Variants in AKR1C8 observed in about 807,000 individuals in gnomAD.
The protein encoded by AKR1C8 is aldo-keto reductase family 1 member C8.
chr10:5,176,778 TTGTC>T, the AKR1C8 span, among the ~76,000 whole-genome samples: 2 of 152,098 alleles, frequency 1.3e-5, no homozygotes, highest in African/African-American at 4.8e-5. Flanking sequence ...GGCTCTCTGT[TTGTC>T]TGTTATTGGT....
chr10:5,154,261 G>A, the AKR1C8 span: 3 of 461,592 alleles, frequency 6.5e-6, no homozygotes, highest in Admixed American at 7.2e-5. Flanking sequence ...CTTGGGATGG[G>A]CTAAAATTCC....
chr10:5,142,661 G>A, the AKR1C8 span, among the ~76,000 whole-genome samples: 4 of 152,244 alleles, frequency 2.6e-5, no homozygotes, highest in South Asian at 8.3e-4. Context: ...GAAGCGGTCA[G>A]AAGACACACA....
chr10:5,171,687 G>A, the AKR1C8 span, among the ~76,000 whole-genome samples: 4 of 152,066 alleles, frequency 2.6e-5, no homozygotes, highest in Admixed American at 6.6e-5. Context: ...GCAGGTTAGT[G>A]CTTTAAGAAA....
chr10:5,157,622 G>T, the AKR1C8 span: 1 of 469,836 alleles, frequency 2.1e-6, no homozygotes, highest in East Asian at 7.0e-5. Flanking sequence ...GAGCGACTCT[G>T]CTCAACCTTT....
the AKR1C8 span, among the ~76,000 whole-genome samples, chr10:5,179,670 G>GTTCCT: frequency 6.8e-6 from 1 of 146,730 alleles, no homozygotes; most frequent in African/African-American, 2.5e-5. Flanking sequence ...TGGAGGCTTT[G>GTTCCT]TTCTTTTTAT....
At chr10:5,141,545 G>T in the AKR1C8 span, among the ~76,000 whole-genome samples, 4,171 of 152,194 alleles carry the variant, frequency 0.027, 95 homozygotes, top group Non-Finnish European at 0.043. Flanking sequence ...GTAACTGATT[G>T]AAATGTATTT....
At chr10:5,129,882 GAT>G in the AKR1C8 span, among the ~76,000 whole-genome samples, 16 of 151,782 alleles carry the variant, frequency 1.1e-4, no homozygotes, top group Admixed American at 3.3e-4. Flanking sequence ...TATTCAAAAA[GAT>G]AGAGAGAGAC....
At chr10:5,165,523 C>T in the AKR1C8 span, among the ~76,000 whole-genome samples, 3 of 152,078 alleles carry the variant, frequency 2.0e-5, no homozygotes, top group Non-Finnish European at 4.4e-5. Context: ...CAGAAAAAGG[C>T]CACTTTCACC....
chr10:5,165,322 C>T, the AKR1C8 span, among the ~76,000 whole-genome samples: 2 of 152,144 alleles, frequency 1.3e-5, no homozygotes. Context: ...AAACCTCTAA[C>T]TTCTACCTGG....
At chr10:5,148,634 T>A in the AKR1C8 span, among the ~76,000 whole-genome samples, 1 of 152,114 alleles carries the variant, frequency 6.6e-6, no homozygotes, top group South Asian at 2.1e-4. Flanking sequence ...ATCTTACACG[T>A]GAAAACAAAG....
At chr10:5,137,685 C>T in the AKR1C8 span, among the ~76,000 whole-genome samples, 1 of 152,032 alleles carries the variant, frequency 6.6e-6, no homozygotes, top group Non-Finnish European at 1.5e-5. Context: ...GGCAACTTGC[C>T]CCCAATACTT....
At chr10:5,124,115 G>A in the AKR1C8 span, among the ~76,000 whole-genome samples, 1 of 152,258 alleles carries the variant, frequency 6.6e-6, no homozygotes, top group African/African-American at 2.4e-5. Flanking sequence ...CTCTGGGATA[G>A]GGTAGGATTC....
At chr10:5,133,568 G>A in the AKR1C8 span, among the ~76,000 whole-genome samples, 6 of 152,248 alleles carry the variant, frequency 3.9e-5, no homozygotes, top group Non-Finnish European at 8.8e-5. Flanking sequence ...GTCTACAAGG[G>A]ATGCTATTTG....
At chr10:5,143,102 G>A in the AKR1C8 span, among the ~76,000 whole-genome samples, 164 of 152,192 alleles carry the variant, frequency 1.1e-3, 3 homozygotes, top group East Asian at 0.03. Context: ...GTGTACCTGT[G>A]AGGATGACTC....
chr10:5,183,604 G>C, the AKR1C8 span, among the ~76,000 whole-genome samples: 1 of 151,892 alleles, frequency 6.6e-6, no homozygotes, highest in African/African-American at 2.4e-5. Flanking sequence ...TTCCCCACAT[G>C]ACACCACCAT....
chr10:5,145,627 G>A, the AKR1C8 span, among the ~76,000 whole-genome samples: 4 of 152,184 alleles, frequency 2.6e-5, no homozygotes, highest in Admixed American at 2.0e-4. Flanking sequence ...TCAGAGAAAT[G>A]CAAATCAAAA....
At chr10:5,128,462 T>TAA in the AKR1C8 span, among the ~76,000 whole-genome samples, 1 of 152,126 alleles carries the variant, frequency 6.6e-6, no homozygotes, top group East Asian at 1.9e-4. Flanking sequence ...ATAAATGGCC[T>TAA]AAATGCTCCA....
At chr10:5,126,192 A>T in the AKR1C8 span, among the ~76,000 whole-genome samples, 2 of 152,138 alleles carry the variant, frequency 1.3e-5, no homozygotes, top group Non-Finnish European at 2.9e-5. Context: ...ATGCAGACAT[A>T]GCTAGGGCTT....
chr10:5,172,560 A>AT, the AKR1C8 span, among the ~76,000 whole-genome samples: 2 of 152,082 alleles, frequency 1.3e-5, no homozygotes, highest in Admixed American at 1.3e-4. Context: ...AGCAAAGATT[A>AT]TTTTGTTTGG....
Sources: gnomAD v4.1 joint callset for allele counts (sites outside exome capture counted in the v4.1 genomes callset) on GRCh38, gnomAD v4.1.1 for gene constraint, MANE v1.5 for transcripts, NCBI Gene and HGNC (gene_info 2026-07-23, HGNC 2026-07-21) for gene names.